ARHGAP5: variants seen among roughly 807,000 people sequenced by gnomAD.
ARHGAP5 encodes rho GTPase-activating protein 5.
In ARHGAP5, 23 loss-of-function variants were observed where a neutral mutation model predicts 116.6. The observed-to-expected ratio is 0.20, with a 90% CI of 0.14 to 0.28. ARHGAP5 has a LOEUF of 0.28. ARHGAP5 is among the 10% of genes least tolerant of loss of function. The pLI is 1.00. For synonymous variants in ARHGAP5, 574 were observed against 602.0 expected, an observed-to-expected ratio of 0.95 and a Z score of 0.68; for missense variants, 1,405 against 1,774.8, an observed-to-expected ratio of 0.79 and a Z score of 3.74.
At chr14:32,105,497 G>A (rs1198942473) in intron 2 of ARHGAP5, among the ~76,000 whole-genome samples, 1 of 150,288 alleles carries the variant, frequency 6.7e-6, no homozygotes, top group Admixed American at 6.6e-5. Flanking sequence ...TTAAAAAAAA[G>A]AGAGACCCCA....
chr14:32,131,412 A>C (rs1412694852), intron 3 of ARHGAP5, among the ~76,000 whole-genome samples: 1 of 152,200 alleles, frequency 6.6e-6, no homozygotes, highest in African/African-American at 2.4e-5. Context: ...TATACATTTC[A>C]GTAGTAAATA....
intron 3 of ARHGAP5, among the ~76,000 whole-genome samples, chr14:32,118,325 T>C (rs1487829131): frequency 2.0e-5 from 3 of 151,906 alleles, no homozygotes; most frequent in African/African-American, 7.3e-5. Flanking sequence ...GGTGAAACCC[T>C]ATCTCTACTA....
At chr14:32,081,722 A>G (rs2041777090) in intron 1 of ARHGAP5, among the ~76,000 whole-genome samples, 2 of 152,298 alleles carry the variant, frequency 1.3e-5, no homozygotes, top group South Asian at 2.1e-4. Context: ...TTTGTCAAAC[A>G]GCCTTGGAAA....
chr14:32,085,648 T>A (rs887395182), intron 1 of ARHGAP5, among the ~76,000 whole-genome samples: 16 of 152,212 alleles, frequency 1.1e-4, no homozygotes, highest in Admixed American at 1.0e-3. Context: ...TTGTTTCTTT[T>A]GAATATTTGT....
intron 2 of ARHGAP5, among the ~76,000 whole-genome samples, chr14:32,100,131 A>G (rs926238308): frequency 1.3e-5 from 2 of 152,240 alleles, no homozygotes; most frequent in African/African-American, 4.8e-5. Flanking sequence ...TTTCACATCC[A>G]CAGATTCCAC....
intron 3 of ARHGAP5, among the ~76,000 whole-genome samples, chr14:32,142,617 C>T (rs143397879): frequency 6.6e-6 from 1 of 152,148 alleles, no homozygotes; most frequent in East Asian, 1.9e-4. Context: ...CTTCAGAGAG[C>T]CAAAAGACAG....
intron 2 of ARHGAP5, among the ~76,000 whole-genome samples, chr14:32,112,275 T>A (rs1879345928): frequency 6.6e-6 from 1 of 152,246 alleles, no homozygotes. Flanking sequence ...GTGTTTGGTT[T>A]TTTAAAAATG....
chr14:32,101,107 T>C (rs1878770218), intron 2 of ARHGAP5, among the ~76,000 whole-genome samples: 1 of 152,180 alleles, frequency 6.6e-6, no homozygotes, highest in Non-Finnish European at 1.5e-5. Context: ...TTCCAGGCCC[T>C]GAATATTTTC....
At chr14:32,116,693 A>T (rs575666894) in intron 2 of ARHGAP5, among the ~76,000 whole-genome samples, 2 of 152,322 alleles carry the variant, frequency 1.3e-5, no homozygotes, top group East Asian at 3.9e-4. Context: ...TCATGGAGTT[A>T]TATAGCATCA....
intron 2 of ARHGAP5, among the ~76,000 whole-genome samples, chr14:32,115,480 G>A (rs186290240): frequency 1.3e-5 from 2 of 151,826 alleles, no homozygotes; most frequent in African/African-American, 2.4e-5. Flanking sequence ...TGGCCAACAC[G>A]GTGAAACCGC....
chr14:32,084,132 A>C (rs563969983), intron 1 of ARHGAP5, among the ~76,000 whole-genome samples: 1 of 152,328 alleles, frequency 6.6e-6, no homozygotes, highest in South Asian at 2.1e-4. Flanking sequence ...ATAGGGTAGA[A>C]GTTAATGTGT....
chr14:32,141,310 C>G (rs1296630190), intron 3 of ARHGAP5, among the ~76,000 whole-genome samples: 3 of 152,088 alleles, frequency 2.0e-5, no homozygotes, highest in Non-Finnish European at 2.9e-5. Context: ...TTTTCTTAGT[C>G]ATTACCCTGC....
At chr14:32,150,561 CAG>C (rs535410056) in intron 5 of ARHGAP5, among the ~76,000 whole-genome samples, 4 of 152,178 alleles carry the variant, frequency 2.6e-5, no homozygotes, top group Admixed American at 1.3e-4. Context: ...AGAGCACACT[CAG>C]AGAGTAAGAG....
At chr14:32,077,607 C>T (rs934774612) in intron 1 of ARHGAP5, among the ~76,000 whole-genome samples, 172 bp downstream of exon 1, 1 of 152,114 alleles carries the variant, frequency 6.6e-6, no homozygotes, top group African/African-American at 2.4e-5. Context: ...TTTCGCAGGC[C>T]GGGCGGGCAG....
At chr14:32,134,863 G>C (rs372154613) in intron 3 of ARHGAP5, among the ~76,000 whole-genome samples, 9 of 152,128 alleles carry the variant, frequency 5.9e-5, no homozygotes, top group African/African-American at 2.2e-4. Flanking sequence ...ATTTATATTT[G>C]CTATTGGGCC....
At chr14:32,122,857 A>G (rs189414967) in intron 3 of ARHGAP5, among the ~76,000 whole-genome samples, 4 of 152,252 alleles carry the variant, frequency 2.6e-5, no homozygotes, top group Admixed American at 1.3e-4. Context: ...ATTGATCTGT[A>G]TGTCTGTCCA....
At chr14:32,152,372 T>G in intron 5 of ARHGAP5, 51 bp from the exon 6 acceptor site, 1 of 1,245,082 alleles carries the variant, frequency 8.0e-7, no homozygotes, top group Non-Finnish European at 1.2e-6. Context: ...TTATCAAATA[T>G]TTTTAAATGT....
At chr14:32,122,009 T>G (rs28802314) in intron 3 of ARHGAP5, among the ~76,000 whole-genome samples, 10,416 of 152,246 alleles carry the variant, frequency 0.068, 1,148 homozygotes, top group African/African-American at 0.23. Context: ...GAACATTACT[T>G]TCAGAGTTTG....
Position 32,093,353 on chromosome 14 carries a change from A to G in ARHGAP5, c.2684A>G (p.Glu895Gly), listed in dbSNP as rs1332557003. Residue 895 changes from glutamate to glycine, a missense_variant, in exon 2 of 7, where the codon GAG (glutamate) becomes GGG (glycine). By Grantham distance (98) the Glu-to-Gly change is moderately conservative. Around this residue, in one of 6 missense-constraint regions of ARHGAP5, gnomAD observed 944 missense variants for 1,095.3 expected, o/e 0.86. Coordinates refer to ENST00000345122, the MANE Select transcript of ARHGAP5 (RefSeq NM_001030055.2). ...TDSQADFFEN[E>G]AIKELMTEGE... ...AGCCAAGCAGATTTTTTTGAAAATGAGGCTATCAAAGAGTTAATGACTGAA... is the reference window on the plus strand; with the variant it reads ...AGCCAAGCAGATTTTTTTGAAAATGGGGCTATCAAAGAGTTAATGACTGAA... The G allele has an allele frequency of 6.2e-7, 1 of 1,614,030 alleles. No individual in the cohort carries two copies. The highest frequency in any genetic ancestry group is 2.2e-5 in the East Asian group (1 of 44,874).
Sources: gnomAD v4.1 joint callset for allele counts (sites outside exome capture counted in the v4.1 genomes callset) on GRCh38, gnomAD v4.1.1 for gene constraint, gnomAD v4.1.1 regional missense constraint, MANE v1.5 for transcripts, NCBI Gene and HGNC (gene_info 2026-07-23, HGNC 2026-07-21) for gene names.